Variants in CTNNA2 observed in about 807,000 individuals in gnomAD.
CTNNA2 encodes catenin alpha-2.
Under a neutral mutation model 101.0 loss-of-function variants are expected in CTNNA2, and 42 were observed. The ratio of observed to expected loss-of-function variants is 0.42; its 90% CI spans 0.32 to 0.54. The LOEUF (loss-of-function observed/expected upper bound fraction) is 0.54. Ranked by LOEUF, CTNNA2 falls within the 20% of genes least tolerant of loss-of-function variation. The pLI, the probability that CTNNA2 is intolerant of heterozygous loss-of-function variation, is 0.14. For synonymous variants in CTNNA2, 450 were observed against 456.4 expected (o/e 0.99, Z 0.18); for missense variants, 871 against 1,223.1 (o/e 0.71, Z 4.29).
At chr2:80,588,817 C>T (rs970755073) in intron 14 of CTNNA2, among the ~76,000 whole-genome samples, 2 of 152,136 alleles carry the variant, frequency 1.3e-5, no homozygotes, top group Admixed American at 1.3e-4. Context: ...CACTTACACT[C>T]ATAGAAAGTA....
intron 18 of CTNNA2, among the ~76,000 whole-genome samples, chr2:80,620,118 C>G (rs1399443942): frequency 6.6e-6 from 1 of 151,698 alleles, no homozygotes; most frequent in African/African-American, 2.4e-5. Context: ...TAAGGGATAT[C>G]AAAGCACTAG....
intron 7 of CTNNA2, among the ~76,000 whole-genome samples, chr2:80,297,169 G>GGCATTCAACAAGAATGTGTTGA (rs1273106435): frequency 6.6e-6 from 1 of 152,300 alleles, no homozygotes; most frequent in East Asian, 1.9e-4. Flanking sequence ...CTGTGCCCAT[G>GGCATTCAACAAGAATGTGTTGA]GCATTCAACA....
chr2:80,376,415 C>G (rs1675955253), intron 7 of CTNNA2, among the ~76,000 whole-genome samples: 2 of 148,908 alleles, frequency 1.3e-5, no homozygotes, highest in South Asian at 4.2e-4. Context: ...TGCCAGCAAA[C>G]TAGAGAGATG....
At chr2:79,937,202 A>G (rs1036730475) in intron 7 of CTNNA2, among the ~76,000 whole-genome samples, 3 of 149,386 alleles carry the variant, frequency 2.0e-5, no homozygotes, top group Non-Finnish European at 4.4e-5. Flanking sequence ...TTAAACATCA[A>G]TTTTTGTTTC....
chr2:79,860,795 CT>C (rs1420946185), intron 4 of CTNNA2, among the ~76,000 whole-genome samples: 1 of 152,042 alleles, frequency 6.6e-6, no homozygotes, highest in Non-Finnish European at 1.5e-5. Flanking sequence ...ACTATTGCCC[CT>C]ACCCCCTAAA....
chr2:79,788,260 G>C (rs1397687), intron 3 of CTNNA2, among the ~76,000 whole-genome samples: 3 of 151,888 alleles, frequency 2.0e-5, no homozygotes, highest in African/African-American at 7.3e-5. Context: ...TCAGACTCAC[G>C]TGGTGGAAAG....
chr2:79,342,193 T>G (rs1476906123), intron 3 of CTNNA2, among the ~76,000 whole-genome samples: 1 of 152,198 alleles, frequency 6.6e-6, no homozygotes, highest in Non-Finnish European at 1.5e-5. Context: ...AAAGCTGAGA[T>G]GGAAAGTACG....
chr2:80,064,294 A>T (rs1195896104), intron 7 of CTNNA2, among the ~76,000 whole-genome samples: 2 of 152,302 alleles, frequency 1.3e-5, no homozygotes, highest in East Asian at 3.9e-4. Flanking sequence ...TTTCTGACTT[A>T]ATTTCTCTGA....
chr2:79,428,878 G>T (rs558069177), intron 4 of CTNNA2, among the ~76,000 whole-genome samples: 2 of 152,268 alleles, frequency 1.3e-5, no homozygotes, highest in Admixed American at 1.3e-4. Flanking sequence ...AGTTATTTGA[G>T]TGTGAGCGAA....
intron 16 of CTNNA2, chr2:80,605,731 A>G (rs1238790135): frequency 2.6e-5 from 4 of 151,980 alleles, no homozygotes; most frequent in African/African-American, 9.7e-5. Flanking sequence ...CTTAAGAGTC[A>G]AGAGTCAACG....
chr2:79,925,237 T>G (rs1686945296), intron 7 of CTNNA2, among the ~76,000 whole-genome samples: 1 of 152,156 alleles, frequency 6.6e-6, no homozygotes, highest in Admixed American at 6.6e-5. Flanking sequence ...ATTTTACATA[T>G]TAGTCTTGAA....
At chr2:80,601,143 G>A (rs148647406) in intron 15 of CTNNA2, among the ~76,000 whole-genome samples, 2 of 152,022 alleles carry the variant, frequency 1.3e-5, no homozygotes, top group African/African-American at 4.8e-5. Context: ...AATAATTCTC[G>A]TATGTATAAG....
At chr2:80,024,192 C>G (rs977900933) in intron 7 of CTNNA2, among the ~76,000 whole-genome samples, 2 of 150,944 alleles carry the variant, frequency 1.3e-5, no homozygotes, top group Non-Finnish European at 2.9e-5. Flanking sequence ...TATAATTTAT[C>G]TCATTTAATA....
At chr2:79,777,780 A>G (rs1433436074) in intron 3 of CTNNA2, among the ~76,000 whole-genome samples, 1 of 151,920 alleles carries the variant, frequency 6.6e-6, no homozygotes, top group Non-Finnish European at 1.5e-5. Context: ...AACCTATACT[A>G]TTTCTCCAAA....
At chr2:79,851,373 T>G (rs1680689203) in intron 3 of CTNNA2, among the ~76,000 whole-genome samples, 1 of 152,242 alleles carries the variant, frequency 6.6e-6, no homozygotes, top group Non-Finnish European at 1.5e-5. Flanking sequence ...TGGACATTGT[T>G]GACTGAATTA....
At chr2:79,685,777 A>G (rs1156707758) in intron 2 of CTNNA2, among the ~76,000 whole-genome samples, 1 of 152,212 alleles carries the variant, frequency 6.6e-6, no homozygotes, top group East Asian at 1.9e-4. Context: ...GCTGCCCAAT[A>G]TCTAAAAGAG....
intron 7 of CTNNA2, among the ~76,000 whole-genome samples, chr2:80,044,304 T>C (rs1179728217): frequency 6.6e-6 from 1 of 152,144 alleles, no homozygotes; most frequent in Non-Finnish European, 1.5e-5. Flanking sequence ...ACTTGAACTA[T>C]AGGTTTTTGC....
intron 15 of CTNNA2, 151 bp from the exon 16 acceptor site, chr2:80,603,923 C>G: frequency 5.4e-6 from 3 of 554,230 alleles, no homozygotes; most frequent in Non-Finnish European, 9.5e-6. Context: ...AATATAGAAA[C>G]TGGAGTTAAG....
chr2:80,503,972 G>A (rs1323260653), intron 9 of CTNNA2, among the ~76,000 whole-genome samples: 2 of 152,128 alleles, frequency 1.3e-5, no homozygotes, highest in African/African-American at 2.4e-5. Context: ...ATTTTCCATT[G>A]CTATTTTTTG....
Sources: allele counts gnomAD v4.1 joint callset (sites outside exome capture counted in the v4.1 genomes callset), GRCh38; gene constraint gnomAD v4.1.1; transcripts MANE v1.5; gene names NCBI Gene and HGNC (gene_info 2026-07-23, HGNC 2026-07-21).